LONP2: variants seen among roughly 807,000 people sequenced by gnomAD.
LONP2 encodes lon peptidase 2, peroxisomal.
In LONP2, 60 loss-of-function variants were observed where a neutral mutation model predicts 85.6. The observed-to-expected ratio is 0.70, with a 90% CI of 0.57 to 0.87. LONP2 has a LOEUF of 0.87. Ranked by LOEUF, LONP2 falls within the 40% of genes least tolerant of loss-of-function variation. The probability of loss-of-function intolerance (pLI) is 0.00; values close to 1 mark genes in which losing one functional copy is unlikely to be tolerated. For missense variants in LONP2, 860 were observed against 1,063.5 expected, an observed-to-expected ratio of 0.81 and a Z score of 2.66; for synonymous variants, 395 against 389.7, an observed-to-expected ratio of 1.01 and a Z score of -0.16.
At chr16:48,327,962 G>A (rs796397994) in intron 11 of LONP2, among the ~76,000 whole-genome samples, 35 of 152,258 alleles carry the variant, frequency 2.3e-4, no homozygotes, top group African/African-American at 8.2e-4. Flanking sequence ...CCCTGTCTGT[G>A]GGATGCTGGG....
chr16:48,339,311 A>G (rs1959748138), intron 12 of LONP2, among the ~76,000 whole-genome samples: 3 of 152,236 alleles, frequency 2.0e-5, no homozygotes, highest in Admixed American at 2.0e-4. Context: ...ACTGTTTGAG[A>G]GATCAAAAGA....
intron 7 of LONP2, 42 bp from the exon 8 acceptor site, chr16:48,277,296 C>G: frequency 6.3e-7 from 1 of 1,594,694 alleles, no homozygotes; most frequent in Non-Finnish European, 8.5e-7. Context: ...GCTCCTGCCT[C>G]CTGACATCTC....
At chr16:48,339,601 G>C (rs1442294737) in intron 12 of LONP2, among the ~76,000 whole-genome samples, 3 of 152,156 alleles carry the variant, frequency 2.0e-5, no homozygotes, top group Non-Finnish European at 4.4e-5. Context: ...CCAGTAGAGA[G>C]CACAGACTGA....
At chr16:48,309,242 C>T (rs1596971399) in intron 11 of LONP2, among the ~76,000 whole-genome samples, 1 of 152,072 alleles carries the variant, frequency 6.6e-6, no homozygotes, top group South Asian at 2.1e-4. Context: ...ATGGAGAGTT[C>T]TCAAAGAACA....
chr16:48,274,163 G>A (rs16946044), intron 7 of LONP2, among the ~76,000 whole-genome samples: 2,087 of 152,136 alleles, frequency 0.014, 48 homozygotes, highest in African/African-American at 0.048. Context: ...TCAACCCAAG[G>A]CTTCCTCCAT....
chr16:48,326,654 G>T (rs1458582442), intron 11 of LONP2, among the ~76,000 whole-genome samples: 1 of 152,030 alleles, frequency 6.6e-6, no homozygotes, highest in Non-Finnish European at 1.5e-5. Flanking sequence ...CTTGCCATTG[G>T]TTGGATCACT....
At chr16:48,260,295 A>G (rs1248884815) in intron 4 of LONP2, among the ~76,000 whole-genome samples, 2 of 152,196 alleles carry the variant, frequency 1.3e-5, no homozygotes, top group Non-Finnish European at 2.9e-5. Flanking sequence ...TAAATTTTCC[A>G]GGTTAAAAAA....
At chr16:48,244,887 C>CT (rs1297500452) in intron 1 of LONP2, among the ~76,000 whole-genome samples, 1 of 152,218 alleles carries the variant, frequency 6.6e-6, no homozygotes, top group African/African-American at 2.4e-5. Context: ...TTTGAATCCT[C>CT]TTCCCCCTCT....
chr16:48,337,326 T>A (rs1359740778), intron 12 of LONP2, among the ~76,000 whole-genome samples: 1 of 152,214 alleles, frequency 6.6e-6, no homozygotes, highest in East Asian at 1.9e-4. Flanking sequence ...TTCATATTCT[T>A]ACCAACTCTG....
In LONP2 at chr16:48,288,935, C is replaced by T. The variant is rs535042386; in HGVS notation, c.1384-7080C>T. ...CCCATATCATGTACTTTATGTAAAA[C>T]GAAATCAGTTTTAAAAGGTAATTAT... On this transcript the variant is annotated intron_variant, in intron 8 of 14. Coordinates refer to ENST00000285737, the MANE Select transcript of LONP2 (RefSeq NM_031490.5). Among the ~76,000 whole-genome samples the T allele has an allele frequency of 2.9e-4, 44 of 152,092 alleles. 1 individual carries two copies. In the South Asian group the frequency reaches 7.5e-3, roughly 26 times the overall value.
chr16:48,288,654 C>T (rs1373296101), intron 8 of LONP2, among the ~76,000 whole-genome samples: 1 of 152,044 alleles, frequency 6.6e-6, no homozygotes, highest in Non-Finnish European at 1.5e-5. Context: ...CCTCGGGAGA[C>T]CTGTGTGCAT....
In LONP2 at chr16:48,282,426, A is replaced by G. The variant is rs866329581; in HGVS notation, c.1383+4947A>G. On this transcript the variant is annotated intron_variant, in intron 8 of 14. Coordinates refer to ENST00000285737, the MANE Select transcript of LONP2 (RefSeq NM_031490.5). The stretch of plus-strand genomic sequence containing the variant: ...ACTCTGTCTCAAAAAAAAAAAAAAA[A>G]AAAGAAAGAAAGTGTTTATGGCAAC... 1.3e-4 allele frequency among the ~76,000 whole-genome samples: 19 copies of G among 151,802 alleles called. 1 individual carries two copies. Among genetic ancestry groups the G allele is most frequent in the Middle Eastern group, 3.4e-3 (1 of 292 alleles).
At chr16:48,332,188 G>T (rs1206134313) in intron 11 of LONP2, among the ~76,000 whole-genome samples, 1 of 152,184 alleles carries the variant, frequency 6.6e-6, no homozygotes, top group Non-Finnish European at 1.5e-5. Flanking sequence ...TAAAATAAGG[G>T]TCTACTAGTA....
Position 48,362,587 on chromosome 16 carries a change from T to A in LONP2, c.*724T>A, listed in dbSNP as rs1960637951. On this transcript the variant is annotated 3_prime_UTR_variant, in exon 5 of 5. Transcript: ENST00000565867. The surrounding 1 kb of genome is among the most constrained non-coding windows in gnomAD (Gnocchi z 4.2). ...AGGATTAAAAAAGATATTAAAAAAA[T>A]AAAATTACACTGAATGTGCACTTTA... is the stretch of plus-strand genomic sequence containing the variant. 1.4e-6 allele frequency: 1 copy of A among 722,968 alleles called. No homozygotes were observed. The highest frequency in any genetic ancestry group is 2.8e-5 in the East Asian group (1 of 36,268). 44.8% of individuals were successfully genotyped at this position (722,968 alleles called of 1,614,324 possible).
At position 48,334,297 on chromosome 16, in the gene LONP2, C is replaced by T. The variant is rs201630064; in HGVS notation, c.1877C>T (p.Pro626Leu). 2.9e-5 allele frequency: 47 copies of T among 1,613,954 alleles called. No individual in the cohort carries two copies. The highest frequency in any genetic ancestry group is 1.6e-4 in the East Asian group (7 of 44,878). The part of the protein sequence containing the change: ...TTDLALPPEM[P>L]ILIDFHALKD... ...GACTTGGCTCTACCACCTGAAATGC[C>T]GATTTTGATTGATTTCCATGCTCTG... The change falls in exon 12 of 15, where the codon CCG (proline) becomes CTG (leucine). Residue 626 changes from proline (P) to leucine (L), a missense_variant. Physicochemically the swap from Pro to Leu is moderately conservative, Grantham distance 98 (BLOSUM62 -3). This residue lies in a region of LONP2 where 743 missense variants were observed against 917.3 expected (regional missense o/e 0.81). Coordinates refer to ENST00000285737, the MANE Select transcript of LONP2 (RefSeq NM_031490.5).
At chr16:48,244,658 G>A in intron 1 of LONP2, 37 bp downstream of exon 1, 1 of 1,314,300 alleles carries the variant, frequency 7.6e-7, no homozygotes, top group Non-Finnish European at 9.7e-7. Flanking sequence ...GGCGGGCGGC[G>A]CGGCCTCCTC....
At chr16:48,361,344 C>T, downstream of LONP2, 1 of 420,176 alleles carries the variant, frequency 2.4e-6, no homozygotes. Context: ...CAAAAGATGC[C>T]CATCTTGGGT....
At chr16:48,340,870 C>G (rs1375671220) in intron 12 of LONP2, among the ~76,000 whole-genome samples, 1 of 152,108 alleles carries the variant, frequency 6.6e-6, no homozygotes, top group Non-Finnish European at 1.5e-5. Context: ...GAGCTGTGAT[C>G]ACACCATTGC....
At chr16:48,266,518 CG>C (rs755009074) in intron 6 of LONP2, among the ~76,000 whole-genome samples, 61 of 152,072 alleles carry the variant, frequency 4.0e-4, no homozygotes, top group Non-Finnish European at 7.5e-4. Flanking sequence ...CCTTCTTCCC[CG>C]CCCCTTTCCT....
Sources: gnomAD v4.1 joint callset for allele counts (sites outside exome capture counted in the v4.1 genomes callset) on GRCh38, gnomAD v4.1.1 for gene constraint, gnomAD v4.1.1 regional missense constraint, Gnocchi (gnomAD v3.1) non-coding constraint, MANE v1.5 for transcripts, NCBI Gene and HGNC (gene_info 2026-07-23, HGNC 2026-07-21) for gene names.